The following DUS3L variants were observed in gnomAD, a reference collection of about 807,000 sequenced individuals.
DUS3L encodes the protein dihydrouridine synthase 3 like.
DUS3L carries 62 observed loss-of-function variants against 74.6 expected under a neutral mutation model. The ratio of observed to expected loss-of-function variants is 0.83; its 90% CI spans 0.68 to 1.03. The LOEUF is 1.03. Among genes scored for constraint, DUS3L ranks in the 50% least tolerant of loss-of-function variants. DUS3L has a pLI of 0.00. For missense variants in DUS3L, 884 were observed against 924.4 expected (o/e 0.96, Z 0.57); for synonymous variants, 433 against 395.7 (o/e 1.09, Z -1.12).
intron 2 of DUS3L, 30 bp downstream of exon 2, chr19:5,790,017 C>T: frequency 6.2e-7 from 1 of 1,607,074 alleles, no homozygotes; most frequent in Non-Finnish European, 8.5e-7. Flanking sequence ...CTGCCTGCCC[C>T]GGCAGGAATG....
At chr19:5,789,102 C>T in intron 3 of DUS3L, 105 bp downstream of exon 3, 1 of 1,453,452 alleles carries the variant, frequency 6.9e-7, no homozygotes, top group South Asian at 1.5e-5. Context: ...AGGCACACAG[C>T]CTCTGACTCC....
At chr19:5,789,742 T>G (rs1268829725) in intron 2 of DUS3L, 23 bp from the exon 3 acceptor site, 2 of 1,582,024 alleles carry the variant, frequency 1.3e-6, no homozygotes, top group Non-Finnish European at 1.7e-6. Context: ...AGGGAAGCAG[T>G]GAGGGAGGAC....
chr19:5,790,827 G>C, intron 1 of DUS3L: 3 of 603,202 alleles, frequency 5.0e-6, no homozygotes, highest in Non-Finnish European at 8.9e-6. Flanking sequence ...ACCTGCCCTA[G>C]CATGCACGTG....
intron 10 of DUS3L, 109 bp from the exon 11 acceptor site, chr19:5,785,900 A>G: frequency 3.5e-6 from 4 of 1,158,288 alleles, no homozygotes; most frequent in Non-Finnish European, 4.7e-6. Flanking sequence ...CAAAACCTAC[A>G]AGCCTAGTAA....
chr19:5,785,553 A>C (rs1315667340), intron 11 of DUS3L, 42 bp from the exon 12 acceptor site: 2 of 1,559,256 alleles, frequency 1.3e-6, no homozygotes, highest in African/African-American at 2.7e-5. Context: ...AGTCAGCTCT[A>C]ACCAGCCGCG....
At chr19:5,785,307 G>A in intron 12 of DUS3L, 32 bp from the exon 13 acceptor site, 1 of 1,609,832 alleles carries the variant, frequency 6.2e-7, no homozygotes, top group East Asian at 2.2e-5. Flanking sequence ...GCGAGGTCAG[G>A]CCCAGGACCT....
rs773577236 is a variant in DUS3L at position 5,786,908 on chromosome 19, A to G, written c.1390-63T>C. 53 of 1,534,880 alleles carry G rather than the reference A, an allele frequency of 3.5e-5. No homozygotes were observed. In the South Asian group the frequency reaches 6.3e-4, roughly 18 times the overall value. On this transcript the variant is annotated intron_variant, in intron 8 of 12. Transcript: ENST00000309061. ...AGTGAGACGCAGAGAGGAAGAGACC[A>G]AGAGAGCCAGGCTGAGAGAGACAGA... is the stretch of plus-strand genomic sequence containing the variant.
At position 5,785,199 on chromosome 19, in the gene DUS3L, G is replaced by T; in HGVS notation, c.*4C>A. On this transcript the variant is annotated 3_prime_UTR_variant, in exon 13 of 13. Coordinates refer to ENST00000309061, the MANE Select transcript of DUS3L (RefSeq NM_020175.3). ...CCCCAGGGTGCCCCTGGGAAAGCCT[G>T]AGGCTACTTGTACGCGTTGGCCTTG... 6.2e-7 allele frequency: 1 copy of T among 1,603,658 alleles called. No homozygotes were observed. The highest frequency in any genetic ancestry group is 2.2e-5 in the East Asian group (1 of 44,530).
chr19:5,789,133 G>A, intron 3 of DUS3L, 74 bp downstream of exon 3: 2 of 1,489,168 alleles, frequency 1.3e-6, no homozygotes, highest in Non-Finnish European at 1.8e-6. Context: ...GAACAGGAAC[G>A]TGGACACAGC....
chr19:5,785,412 G>A lies in DUS3L; in HGVS notation c.1851C>T (p.Ser617=), dbSNP rs1191861227. 1.3e-6 allele frequency: 2 copies of A among 1,595,776 alleles called. No homozygotes were observed. The highest frequency in any genetic ancestry group is 3.4e-5 in the Admixed American group (2 of 58,198). ...GRDYLETLMA[S]QKAADWIRIS... ...TGCGGATCCAGTCGGCTGCCTTCTG[G>A]CTGGCCATCAGCGTCTCCAGGTAGT... Residue 617 remains serine (S), a synonymous_variant, in exon 12 of 13, where the codon AGC becomes AGT. Transcript: ENST00000309061.
chr19:5,785,528 G>T lies in DUS3L; in HGVS notation c.1752-17C>A. 1 of 1,533,020 alleles carries T rather than the reference G, an allele frequency of 6.5e-7. No homozygotes were observed. Among genetic ancestry groups the T allele is most frequent in the Non-Finnish European group, 8.8e-7 (1 of 1,142,192 alleles). 95.0% of individuals were successfully genotyped at this position (1,533,020 alleles called of 1,614,324 possible). On this transcript the variant is annotated splice_polypyrimidine_tract_variant and intron_variant, in intron 11 of 12. Transcript: ENST00000309061. ...GGCACGTACCTGCGGCGGGTGGGCG[G>T]GCAGGACAGGCTTGAGTCAGCTCTA...
rs773917051 is a variant in DUS3L at position 5,788,402 on chromosome 19, G to T, written c.901-4C>A. On this transcript the variant is annotated splice_polypyrimidine_tract_variant and splice_region_variant and intron_variant, in intron 3 of 12. Coordinates refer to ENST00000309061, the MANE Select transcript of DUS3L (RefSeq NM_020175.3). ...AAAGTTTGCCACGGATGTCCAGCTG[G>T]AGGGAAAAAAATACACACAAGTGGA... is the stretch of plus-strand genomic sequence containing the variant. 3 of 1,612,698 alleles carry T rather than the reference G, an allele frequency of 1.9e-6. No homozygotes were observed. Among genetic ancestry groups the T allele is most frequent in the Admixed American group, 3.3e-5 (2 of 59,854 alleles).
At chr19:5,789,016 T>C in intron 3 of DUS3L, 191 bp downstream of exon 3, 1 of 661,402 alleles carries the variant, frequency 1.5e-6, no homozygotes, top group Non-Finnish European at 2.1e-6. Context: ...CCTGTCCAGC[T>C]CTTTCTGTCC....
At chr19:5,785,842 C>A in intron 10 of DUS3L, 51 bp from the exon 11 acceptor site, 1 of 1,498,700 alleles carries the variant, frequency 6.7e-7, no homozygotes, top group Non-Finnish European at 8.9e-7. Flanking sequence ...TGCCTGGGAT[C>A]GTGTGGCCTC....
intron 2 of DUS3L, 122 bp from the exon 3 acceptor site, chr19:5,789,841 C>T: frequency 7.4e-7 from 1 of 1,350,306 alleles, no homozygotes; most frequent in Non-Finnish European, 1.0e-6. Context: ...TCAGGCACCT[C>T]ACCGTGCCTC....
chr19:5,787,427 TGCCC>T, intron 6 of DUS3L, 66 bp from the exon 7 acceptor site: 1 of 1,573,334 alleles, frequency 6.4e-7, no homozygotes, highest in Non-Finnish European at 8.7e-7. Context: ...TCACCCCTGC[TGCCC>T]GGAGGCCCCC....
chr19:5,789,522 C>G lies in DUS3L; in HGVS notation c.585G>C (p.Glu195Asp), dbSNP rs1316029526. The G allele has an allele frequency of 6.2e-7, 1 of 1,605,172 alleles. No homozygotes were observed. The highest frequency in any genetic ancestry group is 1.7e-5 in the Admixed American group (1 of 59,150). Residue 195 changes from glutamate to aspartate, a missense_variant, in exon 3 of 13, where the codon GAG becomes GAC. Physicochemically the swap from Glu to Asp is conservative, Grantham distance 45. Transcript: ENST00000309061. ...RPEGQNLVQE[E>D]LAARGTQPPS... is the part of the protein sequence containing the mutation. ...GGGGCTGGGTCCCGCGGGCCGCCAA[C>G]TCCTCCTGCACCAGGTTCTGTCCCT...
intron 2 of DUS3L, 114 bp from the exon 3 acceptor site, chr19:5,789,833 A>G (rs2056892222): frequency 6.3e-6 from 9 of 1,418,232 alleles, no homozygotes; most frequent in Non-Finnish European, 7.6e-6. Context: ...TGAGCAAGTC[A>G]GGCACCTCAC....
At chr19:5,787,786 G>C (rs2056868701) in intron 5 of DUS3L, 81 bp from the exon 6 acceptor site, 1 of 1,529,546 alleles carries the variant, frequency 6.5e-7, no homozygotes, top group Non-Finnish European at 9.0e-7. Context: ...CCCCACTGGG[G>C]GGCCCTGAGC....
Sources: allele counts gnomAD v4.1 joint callset, GRCh38; gene constraint gnomAD v4.1.1; transcripts MANE v1.5; gene names NCBI Gene and HGNC (gene_info 2026-07-23, HGNC 2026-07-21).